Variants in PUM2 observed in about 807,000 individuals in gnomAD.
The protein encoded by PUM2 is pumilio homolog 2.
In PUM2, 57 loss-of-function variants were observed where a neutral mutation model predicts 124.5. The observed-to-expected ratio is 0.46, with a 90% CI of 0.37 to 0.57. The LOEUF (loss-of-function observed/expected upper bound fraction) is 0.57, where lower values mean the gene tolerates loss of function less well. Ranked by LOEUF, PUM2 falls within the 20% of genes least tolerant of loss-of-function variation. The pLI is 0.00. For missense variants in PUM2, 1,065 were observed against 1,290.6 expected, an observed-to-expected ratio of 0.83 and a Z score of 2.68; for synonymous variants, 460 against 446.1, an observed-to-expected ratio of 1.03 and a Z score of -0.39.
chr2:20,323,328 G>A (rs1474942661), intron 2 of PUM2, among the ~76,000 whole-genome samples: 1 of 151,694 alleles, frequency 6.6e-6, no homozygotes, highest in Non-Finnish European at 1.5e-5. Context: ...CACGCCTGCG[G>A]TCCCAGCTAC....
chr2:20,255,412 TTTG>T, intron 17 of PUM2, 71 bp from the exon 18 acceptor site: 8 of 1,445,630 alleles, frequency 5.5e-6, no homozygotes, highest in South Asian at 1.3e-5. Flanking sequence ...AGCAGACTGG[TTTG>T]TTTTTTTTTT....
At chr2:20,273,930 C>T (rs1200512606) in intron 13 of PUM2, among the ~76,000 whole-genome samples, 1 of 152,066 alleles carries the variant, frequency 6.6e-6, no homozygotes, top group Non-Finnish European at 1.5e-5. Context: ...AAAAGCATAA[C>T]TTATACCATA....
chr2:20,335,422 T>TA (rs1685791258), intron 1 of PUM2, among the ~76,000 whole-genome samples: 1 of 152,250 alleles, frequency 6.6e-6, no homozygotes, highest in African/African-American at 2.4e-5. Context: ...CAGGTTTAGG[T>TA]ATTTATAGGA....
chr2:20,283,293 G>T (rs1331272281), intron 11 of PUM2, 50 bp downstream of exon 11: 2 of 1,606,936 alleles, frequency 1.2e-6, no homozygotes, highest in East Asian at 2.2e-5. Flanking sequence ...TTTAAAAATG[G>T]TATCTCAACA....
At chr2:20,252,416 A>G (rs1663649705) in intron 20 of PUM2, among the ~76,000 whole-genome samples, 1 of 152,238 alleles carries the variant, frequency 6.6e-6, no homozygotes, top group African/African-American at 2.4e-5. Flanking sequence ...TGAAAGAAAA[A>G]GAAAGGAAAA....
chr2:20,350,563 G>C, intron 1 of PUM2, 34 bp downstream of exon 1: 1 of 985,536 alleles, frequency 1.0e-6, no homozygotes, highest in Non-Finnish European at 1.2e-6. Context: ...CGGCGCCAAA[G>C]GACCGGAGAA....
intron 8 of PUM2, among the ~76,000 whole-genome samples, chr2:20,296,331 G>T (rs867739013): frequency 6.6e-6 from 1 of 151,832 alleles, no homozygotes; most frequent in Non-Finnish European, 1.5e-5. Flanking sequence ...CCGTCTCTAC[G>T]AAAAATACAA....
At chr2:20,284,374 AG>A (rs1195546611) in intron 10 of PUM2, among the ~76,000 whole-genome samples, 2 of 152,172 alleles carry the variant, frequency 1.3e-5, no homozygotes, top group African/African-American at 4.8e-5. Context: ...TTTCCCTTAA[AG>A]AGTGCTGTCT....
chr2:20,334,053 A>G (rs1685479294), intron 1 of PUM2, among the ~76,000 whole-genome samples: 1 of 152,150 alleles, frequency 6.6e-6, no homozygotes, highest in South Asian at 2.1e-4. Flanking sequence ...TGCTTTCTGT[A>G]CAGCCTGTAG....
chr2:20,293,981 A>C (rs998523903), intron 9 of PUM2, among the ~76,000 whole-genome samples: 3 of 152,156 alleles, frequency 2.0e-5, no homozygotes, highest in African/African-American at 7.2e-5. Flanking sequence ...TAAAAATAAA[A>C]AATACCTACT....
intron 2 of PUM2, among the ~76,000 whole-genome samples, chr2:20,323,373 G>C (rs1282151969): frequency 6.6e-6 from 1 of 151,544 alleles, no homozygotes; most frequent in African/African-American, 2.4e-5. Context: ...ACTCGAACCT[G>C]GGAGGTGGAG....
At chr2:20,335,097 T>TA (rs1040070508) in intron 1 of PUM2, among the ~76,000 whole-genome samples, 4 of 152,122 alleles carry the variant, frequency 2.6e-5, no homozygotes, top group African/African-American at 9.7e-5. Context: ...CAAATTTTTG[T>TA]ATTTTTTGTA....
At chr2:20,298,850 A>C (rs1403004680) in intron 7 of PUM2, among the ~76,000 whole-genome samples, 1 of 152,182 alleles carries the variant, frequency 6.6e-6, no homozygotes, top group Non-Finnish European at 1.5e-5. Context: ...GAATAATAAC[A>C]ATAACAACAA....
chr2:20,301,041 C>T (rs1414443977), intron 7 of PUM2, among the ~76,000 whole-genome samples: 6 of 152,230 alleles, frequency 3.9e-5, no homozygotes, highest in East Asian at 1.9e-4. Flanking sequence ...TGGTAGCCCC[C>T]TCCCAGCTTC....
At chr2:20,299,683 C>T (rs1322619745) in intron 7 of PUM2, among the ~76,000 whole-genome samples, 1 of 151,964 alleles carries the variant, frequency 6.6e-6, no homozygotes, top group Non-Finnish European at 1.5e-5. Context: ...TAAATAACAA[C>T]AACATGGTTT....
chr2:20,333,471 G>A (rs1355982887), intron 1 of PUM2, among the ~76,000 whole-genome samples: 1 of 151,734 alleles, frequency 6.6e-6, no homozygotes, highest in East Asian at 1.9e-4. Context: ...GAGGTTGAGG[G>A]TGCAGTGAGC....
intron 2 of PUM2, among the ~76,000 whole-genome samples, chr2:20,322,374 G>A (rs972398009): frequency 2.0e-5 from 3 of 152,076 alleles, no homozygotes; most frequent in Non-Finnish European, 4.4e-5. Flanking sequence ...TTTGAGCCCA[G>A]GAGCTAGAGA....
chr2:20,345,672 AAG>A (rs1047972366), intron 1 of PUM2, among the ~76,000 whole-genome samples: 1 of 151,966 alleles, frequency 6.6e-6, no homozygotes, highest in African/African-American at 2.4e-5. Context: ...TCAGGAGTTC[AAG>A]ACCAGCCTGG....
At chr2:20,311,400 C>A in intron 5 of PUM2, 94 bp downstream of exon 5, 2 of 1,331,744 alleles carry the variant, frequency 1.5e-6, no homozygotes, top group South Asian at 1.7e-5. Context: ...GGAAATAAAC[C>A]TAAATGATGA....
Sources: gnomAD v4.1 joint callset for allele counts (sites outside exome capture counted in the v4.1 genomes callset) on GRCh38, gnomAD v4.1.1 for gene constraint, MANE v1.5 for transcripts, NCBI Gene and HGNC (gene_info 2026-07-23, HGNC 2026-07-21) for gene names.